ACMSD: variants seen among roughly 807,000 people sequenced by gnomAD.
The protein encoded by ACMSD is 2-amino-3-carboxymuconate-6-semialdehyde decarboxylase.
Under a neutral mutation model 45.9 loss-of-function variants are expected in ACMSD, and 37 were observed. The ratio of observed to expected loss-of-function variants is 0.81; its 90% CI spans 0.62 to 1.06. The LOEUF is 1.06. ACMSD is among the 50% of genes least tolerant of loss of function. ACMSD has a pLI of 0.00. For missense variants in ACMSD, 434 were observed against 420.9 expected, an observed-to-expected ratio of 1.03 and a Z score of -0.27; for synonymous variants, 138 against 148.8, an observed-to-expected ratio of 0.93 and a Z score of 0.53.
chr2:134,883,158 C>G (rs948005787), intron 8 of ACMSD, among the ~76,000 whole-genome samples: 1 of 152,046 alleles, frequency 6.6e-6, no homozygotes, highest in South Asian at 2.1e-4. Flanking sequence ...TTTAGAAATG[C>G]CCTACTAAAA....
chr2:134,874,827 A>C (rs1375021144), intron 8 of ACMSD, among the ~76,000 whole-genome samples: 1 of 152,242 alleles, frequency 6.6e-6, no homozygotes, highest in African/African-American at 2.4e-5. Context: ...GAAAATCATA[A>C]TTCTATTAAG....
chr2:134,883,275 A>AC (rs1689148717), intron 8 of ACMSD, among the ~76,000 whole-genome samples: 1 of 152,076 alleles, frequency 6.6e-6, no homozygotes, highest in Non-Finnish European at 1.5e-5. Flanking sequence ...CAAAAAAAAA[A>AC]CAGAAGAAAT....
chr2:134,841,498 A>C (rs1488409295), intron 1 of ACMSD, among the ~76,000 whole-genome samples: 1 of 152,120 alleles, frequency 6.6e-6, no homozygotes. Context: ...CAGAGTTACA[A>C]GTAGGGTTCT....
At chr2:134,856,437 T>A (rs1008011140) in intron 2 of ACMSD, among the ~76,000 whole-genome samples, 3 of 152,164 alleles carry the variant, frequency 2.0e-5, no homozygotes, top group African/African-American at 7.2e-5. Flanking sequence ...AAGTTGTGTA[T>A]TCCATAATGG....
chr2:134,865,086 G>A (rs1251714887), intron 5 of ACMSD, among the ~76,000 whole-genome samples: 1 of 152,136 alleles, frequency 6.6e-6, no homozygotes, highest in East Asian at 1.9e-4. Context: ...TGTGACTACT[G>A]ATCATTTACT....
chr2:134,898,424 T>C lies in ACMSD; in HGVS notation c.933T>C (p.Phe311=). The C allele has an allele frequency of 6.3e-7, 1 of 1,595,642 alleles. No individual in the cohort carries two copies. Among genetic ancestry groups the C allele is most frequent in the Non-Finnish European group, 8.5e-7 (1 of 1,172,072 alleles). The part of the protein sequence containing the change: ...PGKLIESMEE[F]DEETKNKLKA... The stretch of plus-strand genomic sequence containing the variant: ...AACTAATAGAGTCCATGGAAGAATT[T>C]GATGAAGAAACAAAGGTATAATGTC... The change falls in exon 9 of 10, where the codon TTT becomes TTC. Residue 311 remains phenylalanine (F), a synonymous_variant. Coordinates refer to ENST00000356140, the MANE Select transcript of ACMSD (RefSeq NM_138326.3).
At chr2:134,850,283 T>C (rs1227969800) in intron 2 of ACMSD, among the ~76,000 whole-genome samples, 1 of 144,462 alleles carries the variant, frequency 6.9e-6, no homozygotes, top group Non-Finnish European at 1.5e-5. Context: ...TTTTTTTTTT[T>C]CTGAGATGGA....
intron 8 of ACMSD, among the ~76,000 whole-genome samples, chr2:134,886,544 C>T (rs1446858795): frequency 2.0e-5 from 3 of 151,940 alleles, no homozygotes; most frequent in Admixed American, 6.6e-5. Context: ...CCACTGCGCC[C>T]GGCCCATGAT....
chr2:134,876,818 A>G (rs1480040391), intron 8 of ACMSD, among the ~76,000 whole-genome samples: 3 of 152,132 alleles, frequency 2.0e-5, no homozygotes, highest in African/African-American at 7.2e-5. Flanking sequence ...GTCTCACTCT[A>G]TCACTCAGGC....
chr2:134,876,564 A>G (rs1688742567), intron 8 of ACMSD, among the ~76,000 whole-genome samples: 1 of 152,212 alleles, frequency 6.6e-6, no homozygotes, highest in African/African-American at 2.4e-5. Context: ...CTTCGGGGTC[A>G]ATAACACAGC....
At chr2:134,858,075 G>A (rs917444183) in intron 2 of ACMSD, among the ~76,000 whole-genome samples, 9 of 152,000 alleles carry the variant, frequency 5.9e-5, no homozygotes, top group African/African-American at 1.9e-4. Flanking sequence ...AGAAATATCT[G>A]CATTCCCATG....
At chr2:134,853,415 T>C (rs923662456) in intron 2 of ACMSD, among the ~76,000 whole-genome samples, 1 of 151,932 alleles carries the variant, frequency 6.6e-6, no homozygotes, top group Admixed American at 6.6e-5. Context: ...ATGGAGGAAT[T>C]GTTTAAAAAA....
chr2:134,877,368 A>T (rs2104902215), intron 8 of ACMSD, among the ~76,000 whole-genome samples: 1 of 152,350 alleles, frequency 6.6e-6, no homozygotes, highest in Middle Eastern at 3.4e-3. Flanking sequence ...AACATTTATT[A>T]TCTCTCATGG....
At position 134,885,320 on chromosome 2, in the gene ACMSD, A is replaced by AT. The variant is rs1559064923; in HGVS notation, c.849+12679_849+12680insT. On this transcript the variant is annotated intron_variant, in intron 8 of 9. Coordinates refer to ENST00000356140, the MANE Select transcript of ACMSD (RefSeq NM_138326.3). Reference sequence around the variant, plus strand: ...ATATATATTTAAATATATATATATAAATATATATGTAAATATATATTTATA... The same window carrying AT: ...ATATATATTTAAATATATATATATAATATATATATGTAAATATATATTTATA... Among the ~76,000 whole-genome samples, 12 of 86,112 alleles carry AT rather than the reference A, an allele frequency of 1.4e-4. No homozygotes were observed. The East Asian group carries it at 2.9e-3, about 20-fold the overall frequency. The allele number at this position is 86,112 out of a possible 152,430, so 56.5% of individuals were successfully genotyped here. A position where few individuals can be genotyped will look rare whatever the true frequency, so the allele number is the denominator to read the frequency against.
At chr2:134,870,934 C>T (rs866842408) in intron 6 of ACMSD, 31 bp from the exon 7 acceptor site, 2 of 1,584,868 alleles carry the variant, frequency 1.3e-6, no homozygotes, top group Admixed American at 1.7e-5. Context: ...GGGTGATCAT[C>T]CCTGAACCTT....
At chr2:134,856,158 T>C (rs1687571414) in intron 2 of ACMSD, among the ~76,000 whole-genome samples, 1 of 152,248 alleles carries the variant, frequency 6.6e-6, no homozygotes, top group African/African-American at 2.4e-5. Context: ...CATGATCCCT[T>C]TAATGTAAGT....
At chr2:134,852,842 G>A (rs1293811482) in intron 2 of ACMSD, among the ~76,000 whole-genome samples, 1 of 152,048 alleles carries the variant, frequency 6.6e-6, no homozygotes, top group Non-Finnish European at 1.5e-5. Flanking sequence ...GAGGAGAATG[G>A]AAATCTGATG....
chr2:134,845,350 C>A, intron 2 of ACMSD, 73 bp downstream of exon 2: 1 of 1,555,906 alleles, frequency 6.4e-7, no homozygotes, highest in African/African-American at 1.4e-5. Flanking sequence ...TCACTGCAGG[C>A]TGGGCCTCCA....
chr2:134,872,528 C>G lies in ACMSD; in HGVS notation c.736C>G (p.Leu246Val). Residue 246 changes from leucine (L) to valine (V), a missense_variant, in exon 8 of 10, where the codon CTG (leucine) becomes GTG (valine). Physicochemically the swap from Leu to Val is conservative, Grantham distance 32 (BLOSUM62 1). Coordinates refer to ENST00000356140, the MANE Select transcript of ACMSD (RefSeq NM_138326.3). ...CCATGGATTCAGCATGCGCCCAGAT[C>G]TGTGTGCCCAGGACAACCCCATGAA... ...ISHGFSMRPD[L>V]CAQDNPMNPK... 1 of 1,614,192 alleles carries G rather than the reference C, an allele frequency of 6.2e-7. No homozygotes were observed. Among genetic ancestry groups the G allele is most frequent in the East Asian group, 2.2e-5 (1 of 44,864 alleles).
Sources: allele counts gnomAD v4.1 joint callset (sites outside exome capture counted in the v4.1 genomes callset), GRCh38; gene constraint gnomAD v4.1.1; transcripts MANE v1.5; gene names NCBI Gene and HGNC (gene_info 2026-07-23, HGNC 2026-07-21).